Variants in MIA2 observed in about 807,000 individuals in gnomAD.
MIA2 encodes the protein MIA SH3 domain ER export factor 2.
In MIA2, 127 loss-of-function variants were observed where a neutral mutation model predicts 167.8. The ratio of observed to expected loss-of-function variants is 0.76; its 90% confidence interval spans 0.66 to 0.88. MIA2 has a LOEUF of 0.88. MIA2 is among the 40% of genes least tolerant of loss of function. The probability of loss-of-function intolerance (pLI) is 0.00; values close to 1 mark genes in which losing one functional copy is unlikely to be tolerated. For missense variants in MIA2, 1,690 were observed against 1,624.7 expected (o/e 1.04, Z -0.69); for synonymous variants, 552 against 541.9 (o/e 1.02, Z -0.26).
intron 6 of MIA2, among the ~76,000 whole-genome samples, chr14:39,259,955 G>A (rs186706491): frequency 8.4e-4 from 128 of 152,116 alleles, no homozygotes; most frequent in African/African-American, 2.9e-3. Flanking sequence ...GAGAACATGC[G>A]GTGTTTGGTT....
At chr14:39,324,450 C>T (rs1482697330) in intron 24 of MIA2, among the ~76,000 whole-genome samples, 5 of 152,090 alleles carry the variant, frequency 3.3e-5, no homozygotes, top group African/African-American at 9.7e-5. Flanking sequence ...TCTGATTCTA[C>T]TAAAGGGAGT....
rs914256638 is a variant in MIA2 at position 39,324,603 on chromosome 14, CT to C, written c.3497-2251del. 1.2e-4 allele frequency among the ~76,000 whole-genome samples: 18 copies of C among 148,372 alleles called. No individual in the cohort carries two copies. In the East Asian group the frequency reaches 1.8e-3, roughly 15 times the overall value. ...TAGAGTAAGCATTTTTGTTAGACTT[CT>C]TTTTTTTTTATTTTTTTTTTTTGAG... On this transcript the variant is annotated intron_variant, in intron 24 of 28. Coordinates refer to ENST00000640607, the MANE Select transcript of MIA2 (RefSeq NM_001329214.4).
At chr14:39,241,935 T>A (rs2054062142) in intron 3 of MIA2, among the ~76,000 whole-genome samples, 1 of 152,216 alleles carries the variant, frequency 6.6e-6, no homozygotes, top group Non-Finnish European at 1.5e-5. Context: ...CATGCCAGGC[T>A]CTTTCCCAGC....
chr14:39,247,120 G>A lies in MIA2; in HGVS notation c.546G>A (p.Glu182=), dbSNP rs1216972024. ...TLFEDQVPAL[E]APEDIGSTSE... ...TTGAAGACCAAGTTCCAGCATTAGA[G>A]GCTCCTGAAGATATCGGAAGTACCA... The change falls in exon 4 of 29, where the codon GAG becomes GAA. Residue 182 remains glutamate, a synonymous_variant. Coordinates refer to ENST00000640607, the MANE Select transcript of MIA2 (RefSeq NM_001329214.4). 4.3e-6 allele frequency: 7 copies of A among 1,611,308 alleles called. No individual in the cohort carries two copies. The highest frequency in any genetic ancestry group is 5.9e-6 in the Non-Finnish European group (7 of 1,179,430).
chr14:39,261,380 AG>A (rs1390098905), intron 6 of MIA2, among the ~76,000 whole-genome samples: 3 of 152,128 alleles, frequency 2.0e-5, no homozygotes, highest in African/African-American at 7.2e-5. Context: ...TTCTTAATCC[AG>A]TCTATCATTG....
chr14:39,381,730 A>G (rs750435805), intron 23 of MIA2, among the ~76,000 whole-genome samples: 4 of 146,330 alleles, frequency 2.7e-5, no homozygotes, highest in Non-Finnish European at 6.0e-5. Flanking sequence ...CAGAGGCCTT[A>G]CTCCTCCTAA....
intron 14 of MIA2, among the ~76,000 whole-genome samples, chr14:39,300,404 A>T (rs1290242209): frequency 1.3e-5 from 2 of 152,138 alleles, no homozygotes; most frequent in South Asian, 2.1e-4. Context: ...TTAAAAAATA[A>T]ATTTAATTGA....
At chr14:39,346,057 A>C in intron 26 of MIA2, 31 bp downstream of exon 26, 3 of 1,593,984 alleles carry the variant, frequency 1.9e-6, no homozygotes, top group Non-Finnish European at 2.6e-6. Flanking sequence ...TTCTTCTTTA[A>C]AAATTTTGGT....
intron 25 of MIA2, among the ~76,000 whole-genome samples, chr14:39,330,043 G>A (rs919950828): frequency 2.0e-5 from 3 of 152,178 alleles, no homozygotes; most frequent in African/African-American, 7.2e-5. Flanking sequence ...CAGAAGGAAT[G>A]GTACCAGCTC....
intron 23 of MIA2, among the ~76,000 whole-genome samples, chr14:39,369,068 ACTGG>A (rs2074881795): frequency 6.6e-6 from 1 of 152,220 alleles, no homozygotes; most frequent in Admixed American, 6.5e-5. Flanking sequence ...GTTAACTAGT[ACTGG>A]CTCATATTTT....
intron 1 of MIA2, among the ~76,000 whole-genome samples, chr14:39,235,066 T>C (rs1404910199): frequency 6.6e-6 from 1 of 151,918 alleles, no homozygotes; most frequent in East Asian, 1.9e-4. Flanking sequence ...GATGGAGTCT[T>C]GCTCTGTCAC....
intron 18 of MIA2, among the ~76,000 whole-genome samples, chr14:39,310,759 C>T (rs1182937952): frequency 6.6e-6 from 1 of 152,152 alleles, no homozygotes; most frequent in East Asian, 1.9e-4. Context: ...CATTCACTGC[C>T]AAGTTCTGTA....
intron 23 of MIA2, among the ~76,000 whole-genome samples, chr14:39,379,578 G>A (rs1353777055): frequency 3.3e-5 from 5 of 152,154 alleles, no homozygotes; most frequent in Middle Eastern, 3.4e-3. Context: ...TAGGCTGGGG[G>A]TGGTGGTTCA....
chr14:39,255,803 C>G (rs1025293587), intron 6 of MIA2, among the ~76,000 whole-genome samples: 1 of 152,172 alleles, frequency 6.6e-6, no homozygotes, highest in Admixed American at 6.6e-5. Context: ...TTTTTGTGGA[C>G]TCAGTAAACA....
intron 23 of MIA2, among the ~76,000 whole-genome samples, chr14:39,374,146 C>G (rs1335901034): frequency 1.3e-5 from 2 of 152,156 alleles, no homozygotes; most frequent in African/African-American, 4.8e-5. Flanking sequence ...TGTAGGAGTT[C>G]CAGAGTGAAG....
chr14:39,253,191 C>T lies in MIA2; in HGVS notation c.1887+20C>T, dbSNP rs2054653625. On this transcript the variant is annotated intron_variant, in intron 6 of 28. Transcript: ENST00000640607. ...GAAAGGGTAAGTTTGCCTTTTAAAC[C>T]TTTTGCAATAATTTTACCTATTTTG... The T allele has an allele frequency of 6.2e-7, 1 of 1,606,382 alleles. No homozygotes were observed. Among genetic ancestry groups the T allele is most frequent in the African/African-American group, 1.3e-5 (1 of 74,584 alleles).
intron 2 of MIA2, among the ~76,000 whole-genome samples, chr14:39,239,954 G>A (rs1051147904): frequency 2.6e-5 from 4 of 152,194 alleles, no homozygotes; most frequent in Non-Finnish European, 4.4e-5. Context: ...TAGGAAATGC[G>A]CTGAGGGTGG....
chr14:39,252,311 G>A (rs1669051116), intron 4 of MIA2, among the ~76,000 whole-genome samples: 1 of 152,154 alleles, frequency 6.6e-6, no homozygotes, highest in Admixed American at 6.5e-5. Context: ...CTTATAAGAG[G>A]AAGGCAGGGG....
rs368936059 is a variant in MIA2 at position 39,346,040 on chromosome 14, T to C, written c.3778+14T>C. 4 of 1,604,808 alleles carry C rather than the reference T, an allele frequency of 2.5e-6. No individual in the cohort carries two copies. Among genetic ancestry groups the C allele is most frequent in the Non-Finnish European group, 2.6e-6 (3 of 1,175,488 alleles). ...TGGATAAAATGGGTAAGAAGTACTT[T>C]GTGCTTTTCTTCTTTAAAAATTTTG... On this transcript the variant is annotated intron_variant, in intron 26 of 28. Coordinates refer to ENST00000640607, the MANE Select transcript of MIA2 (RefSeq NM_001329214.4).
Sources: allele counts gnomAD v4.1 joint callset (sites outside exome capture counted in the v4.1 genomes callset), GRCh38; gene constraint gnomAD v4.1.1; transcripts MANE v1.5; gene names NCBI Gene and HGNC (gene_info 2026-07-23, HGNC 2026-07-21).